Variants in TRAPPC10 observed in about 807,000 individuals in gnomAD.
TRAPPC10 encodes the protein TRAPP 130 kDa subunit.
TRAPPC10 carries 23 observed loss-of-function variants against 125.5 expected under a neutral mutation model. That is an observed-to-expected ratio of 0.18 (90% CI 0.13 to 0.26). TRAPPC10 has a LOEUF of 0.26. TRAPPC10 is among the 10% of genes least tolerant of loss of function. The pLI is 1.00. For synonymous variants in TRAPPC10, 509 were observed against 518.0 expected (o/e 0.98, Z 0.24); for missense variants, 1,123 against 1,308.4 (o/e 0.86, Z 2.19).
Position 44,059,645 on chromosome 21 carries a change from TA to T in TRAPPC10, c.790+434del. On this transcript the variant is annotated intron_variant, in intron 6 of 22. Transcript: ENST00000291574. This position sits in a 1 kb window ranked among gnomAD's most constrained non-coding sequence, Gnocchi z 4.4. Reference sequence around the variant, plus strand: ...GGTGTTCATCTTTCTTTTGCACTTTTAAATAATATCTTAAGCTCCTTTACAA... The same window carrying T: ...GGTGTTCATCTTTCTTTTGCACTTTTAATAATATCTTAAGCTCCTTTACAA... The T allele has an allele frequency of 2.5e-5, 15 of 598,860 alleles. No homozygotes were observed. The highest frequency in any genetic ancestry group is 3.0e-5 in the Non-Finnish European group (10 of 330,628). 37.1% of individuals were successfully genotyped at this position (598,860 alleles called of 1,614,324 possible).
intron 18 of TRAPPC10, among the ~76,000 whole-genome samples, chr21:44,091,586 C>T (rs1321098630): frequency 2.6e-5 from 4 of 152,104 alleles, no homozygotes; most frequent in Non-Finnish European, 5.9e-5. Flanking sequence ...ATTACAGACA[C>T]GTGCCACCAC....
rs1365242462 is a variant in TRAPPC10, at chr21:44,063,094, A to G, written c.791-444A>G. On this transcript the variant is annotated intron_variant, in intron 6 of 22. Transcript: ENST00000291574. The surrounding 1 kb of genome is among the most constrained non-coding windows in gnomAD (Gnocchi z 4.4). ...CGTGACGTGGTTGAGTTAGGGAAAT[A>G]AGGAAGGAATATGTAATCTAAGGAA... The G allele has an allele frequency of 2.3e-6, 3 of 1,304,564 alleles. No individual in the cohort carries two copies. The highest frequency in any genetic ancestry group is 3.0e-6 in the Non-Finnish European group (3 of 989,442). 80.8% of individuals were successfully genotyped at this position (1,304,564 alleles called of 1,614,324 possible).
At chr21:44,046,393 G>T (rs2034807765) in intron 3 of TRAPPC10, 1 of 273,592 alleles carries the variant, frequency 3.7e-6, no homozygotes, top group South Asian at 5.0e-5. Context: ...AGATTTGTGG[G>T]TGTGTGCAGT....
chr21:44,064,785 A>G (rs2036318427), intron 7 of TRAPPC10, among the ~76,000 whole-genome samples: 1 of 152,156 alleles, frequency 6.6e-6, no homozygotes, highest in Non-Finnish European at 1.5e-5. Context: ...TTTCAAAAGG[A>G]GAAGTTCTTA....
chr21:44,057,985 C>T (rs2838474), intron 5 of TRAPPC10, among the ~76,000 whole-genome samples: 1 of 152,088 alleles, frequency 6.6e-6, no homozygotes, highest in Non-Finnish European at 1.5e-5. Context: ...ACCTGTTGCC[C>T]TCTCTTTTCA....
chr21:44,080,521 C>T (rs911687969), intron 13 of TRAPPC10, among the ~76,000 whole-genome samples: 3 of 151,538 alleles, frequency 2.0e-5, no homozygotes, highest in Non-Finnish European at 4.4e-5. Context: ...AAAAGTTCTT[C>T]CCATCTCTTT....
intron 3 of TRAPPC10, among the ~76,000 whole-genome samples, chr21:44,044,710 C>G (rs2034656225): frequency 7.5e-6 from 1 of 132,750 alleles, no homozygotes; most frequent in Admixed American, 8.5e-5. Context: ...CTTGTCCAGG[C>G]TGGAGTGCAG....
intron 3 of TRAPPC10, among the ~76,000 whole-genome samples, chr21:44,049,249 C>T (rs2035070832): frequency 2.6e-5 from 4 of 152,320 alleles, no homozygotes; most frequent in Admixed American, 2.6e-4. Context: ...CATGTACACA[C>T]GAGCCCATTT....
At position 44,045,098 on chromosome 21, in the gene TRAPPC10, C is replaced by T. The variant is rs1174078812; in HGVS notation, c.285+7171C>T. ...TACAGGTGCACACCACCACACCCAG[C>T]TCATTTTTGTATTTTTAGTAGAAAC... On this transcript the variant is annotated intron_variant, in intron 3 of 22. Coordinates refer to ENST00000291574, the MANE Select transcript of TRAPPC10 (RefSeq NM_003274.5). Among the ~76,000 whole-genome samples, 3 of 152,232 alleles carry T rather than the reference C, an allele frequency of 2.0e-5. No individual in the cohort carries two copies. The East Asian group carries it at 5.8e-4, about 29-fold the overall frequency.
At chr21:44,062,887 A>T (rs1376312244) in intron 6 of TRAPPC10, 2 of 985,324 alleles carry the variant, frequency 2.0e-6, no homozygotes, top group Non-Finnish European at 1.2e-6. Flanking sequence ...TTTTTCAATA[A>T]TGATTGATGG....
chr21:44,093,795 C>T (rs2038744090), intron 19 of TRAPPC10, among the ~76,000 whole-genome samples: 1 of 152,172 alleles, frequency 6.6e-6, no homozygotes, highest in East Asian at 1.9e-4. Flanking sequence ...TTAATGATCT[C>T]ATATGATATA....
chr21:44,043,414 A>C lies in TRAPPC10; in HGVS notation c.285+5487A>C, dbSNP rs146708899. Among the ~76,000 whole-genome samples the C allele has an allele frequency of 6.6e-5, 10 of 151,800 alleles. No homozygotes were observed. In the East Asian group the frequency reaches 1.7e-3, roughly 26 times the overall value. On this transcript the variant is annotated intron_variant, in intron 3 of 22. Transcript: ENST00000291574. The stretch of plus-strand genomic sequence containing the variant: ...TTATTAGTGGAGACGGGGTTTCACC[A>C]TATTGGCCAGGCTGGTCTCAAACTC...
chr21:44,020,503 G>C (rs77179160), intron 1 of TRAPPC10, among the ~76,000 whole-genome samples: 2 of 151,548 alleles, frequency 1.3e-5, no homozygotes, highest in Non-Finnish European at 2.9e-5. Context: ...GGGCATGGTG[G>C]TGCGTGCTTC....
At position 44,037,779 on chromosome 21, in the gene TRAPPC10, C is replaced by A. The variant is rs755801659; in HGVS notation, c.150-13C>A. On this transcript the variant is annotated splice_polypyrimidine_tract_variant and intron_variant, in intron 2 of 22. Transcript: ENST00000291574. ...TAGTTGTTTTCTCAGTGACTTCAAA[C>A]AATTGTTTACAGGTCCTATGGCCGG... 1 of 1,606,902 alleles carries A rather than the reference C, an allele frequency of 6.2e-7. No homozygotes were observed. Among genetic ancestry groups the A allele is most frequent in the South Asian group, 1.1e-5 (1 of 90,226 alleles).
At chr21:44,039,966 A>G (rs1365089979) in intron 3 of TRAPPC10, among the ~76,000 whole-genome samples, 5 of 152,216 alleles carry the variant, frequency 3.3e-5, no homozygotes, top group African/African-American at 4.8e-5. Context: ...ACCAACATCA[A>G]CACATCTCTG....
At position 44,082,531 on chromosome 21, in the gene TRAPPC10, A is replaced by G. The variant is rs2037828907; in HGVS notation, c.1724-257A>G. On this transcript the variant is annotated intron_variant, in intron 13 of 22. Coordinates refer to ENST00000291574, the MANE Select transcript of TRAPPC10 (RefSeq NM_003274.5). The surrounding 1 kb of genome is among the most constrained non-coding windows in gnomAD (Gnocchi z 4.4). The stretch of plus-strand genomic sequence containing the variant: ...GACCTGTATTTCTCTTAGGTTTGTC[A>G]AAGCAGACTTGAGAAGGTTAATTTC... Among the ~76,000 whole-genome samples the G allele has an allele frequency of 6.6e-6, 1 of 152,252 alleles. No individual in the cohort carries two copies. Among genetic ancestry groups the G allele is most frequent in the East Asian group, 1.9e-4 (1 of 5,208 alleles).
intron 1 of TRAPPC10, among the ~76,000 whole-genome samples, chr21:44,014,417 G>A (rs1222047635): frequency 1.3e-5 from 2 of 150,856 alleles, no homozygotes; most frequent in Non-Finnish European, 2.9e-5. Flanking sequence ...TTTTTGAGAC[G>A]GCGTCTTTCT....
At chr21:44,064,937 C>T (rs1017389721) in intron 7 of TRAPPC10, among the ~76,000 whole-genome samples, 1 of 152,114 alleles carries the variant, frequency 6.6e-6, no homozygotes, top group Non-Finnish European at 1.5e-5. Flanking sequence ...TCTGGGCTGC[C>T]TGTAATCACC....
At chr21:44,027,984 C>T (rs1406938061) in intron 1 of TRAPPC10, among the ~76,000 whole-genome samples, 1 of 152,150 alleles carries the variant, frequency 6.6e-6, no homozygotes. Flanking sequence ...ATAAGCCATC[C>T]TAGTTTATTG....
Sources: gnomAD v4.1 joint callset for allele counts (sites outside exome capture counted in the v4.1 genomes callset) on GRCh38, gnomAD v4.1.1 for gene constraint, Gnocchi (gnomAD v3.1) non-coding constraint, MANE v1.5 for transcripts, NCBI Gene and HGNC (gene_info 2026-07-23, HGNC 2026-07-21) for gene names.